APC: variants seen among roughly 807,000 people sequenced by gnomAD.
APC encodes adenomatous polyposis coli protein.
In APC, 72 loss-of-function variants were observed where a neutral mutation model predicts 247.0. The observed-to-expected ratio is 0.29, with a 90% CI of 0.24 to 0.35. The LOEUF is 0.35. Among genes scored for constraint, APC ranks in the 10% least tolerant of loss-of-function variants. The pLI, the probability that APC is intolerant of heterozygous loss-of-function variation, is 1.00. For synonymous variants in APC, 1,254 were observed against 1,162.5 expected (o/e 1.08, Z -1.60); for missense variants, 3,400 against 3,360.7 (o/e 1.01, Z -0.29).
intron 1 of APC, among the ~76,000 whole-genome samples, chr5:112,749,591 G>A (rs761785132): frequency 4.7e-5 from 7 of 147,658 alleles, no homozygotes; most frequent in Admixed American, 1.4e-4. Flanking sequence ...GTGTTCAAGC[G>A]ATTCACCTGC....
intron 1 of APC, among the ~76,000 whole-genome samples, chr5:112,727,314 A>T (rs147267881): frequency 0.011 from 1,667 of 152,278 alleles, 24 homozygotes; most frequent in Non-Finnish European, 0.013. Context: ...CCAAGGAAAG[A>T]CTTTCAAAAA....
intron 9 of APC, among the ~76,000 whole-genome samples, chr5:112,816,285 G>A (rs965270061): frequency 6.6e-6 from 1 of 152,138 alleles, no homozygotes; most frequent in Non-Finnish European, 1.5e-5. Flanking sequence ...CTAACAATTT[G>A]CATGAACCTG....
chr5:112,768,615 C>A (rs1404480689), intron 4 of APC, among the ~76,000 whole-genome samples: 2 of 150,688 alleles, frequency 1.3e-5, no homozygotes, highest in Admixed American at 6.6e-5. Context: ...GTTAGCATAT[C>A]TGTCATCTCA....
chr5:112,810,434 C>G (rs1402074395), intron 8 of APC: 1 of 187,904 alleles, frequency 5.3e-6, no homozygotes, highest in African/African-American at 2.4e-5. Context: ...TTATATGATA[C>G]AAAATGAGGC....
chr5:112,711,350 C>A (rs369752110), intron 1 of APC, among the ~76,000 whole-genome samples: 1 of 152,190 alleles, frequency 6.6e-6, no homozygotes, highest in Non-Finnish European at 1.5e-5. Context: ...ACTCCTGTCC[C>A]ATGGAAAAAT....
rs775126020 is a variant in APC, at chr5:112,819,026, C to G, written c.994C>G (p.Arg332Gly). 1.2e-6 allele frequency: 2 copies of G among 1,614,068 alleles called. No individual in the cohort carries two copies. Among genetic ancestry groups the G allele is most frequent in the Non-Finnish European group, 1.7e-6 (2 of 1,179,980 alleles). Reference protein sequence around the residue: ...LGTHDKDDMSRTLLAMSSSQD... With the variant: ...LGTHDKDDMSGTLLAMSSSQD... ...TACTCATGATAAGGATGATATGTCG[C>G]GAACTTTGCTAGCTATGTCTAGCTC... The change falls in exon 10 of 16, where the codon CGA becomes GGA. Residue 332 changes from arginine (R) to glycine (G), a missense_variant. Transcript: ENST00000257430.
intron 11 of APC, among the ~76,000 whole-genome samples, chr5:112,825,528 T>C (rs1763559038): frequency 6.6e-6 from 1 of 152,178 alleles, no homozygotes; most frequent in Admixed American, 6.6e-5. Context: ...AGAACGCATC[T>C]TTCTTCTTCC....
chr5:112,720,728 AC>A (rs1169778898), intron 1 of APC, among the ~76,000 whole-genome samples: 1 of 152,224 alleles, frequency 6.6e-6, no homozygotes, highest in Non-Finnish European at 1.5e-5. Context: ...TTTCCAGGAG[AC>A]ATAGTAGCCC....
intron 14 of APC, among the ~76,000 whole-genome samples, chr5:112,830,756 C>T (rs1764207176): frequency 1.3e-5 from 2 of 152,048 alleles, no homozygotes; most frequent in South Asian, 4.1e-4. Flanking sequence ...TGACAGAAAA[C>T]AGATTAGTGG....
chr5:112,803,077 C>G (rs1424829972), intron 8 of APC, among the ~76,000 whole-genome samples: 1 of 152,014 alleles, frequency 6.6e-6, no homozygotes, highest in Non-Finnish European at 1.5e-5. Flanking sequence ...CAAATTAAAA[C>G]TAAAGTCAGA....
intron 3 of APC, among the ~76,000 whole-genome samples, chr5:112,766,928 T>G (rs147496386): frequency 6.6e-6 from 1 of 152,286 alleles, no homozygotes; most frequent in Non-Finnish European, 1.5e-5. Flanking sequence ...GACAGAGAAA[T>G]TACTTTTGGA....
Position 112,707,706 on chromosome 5 carries a change from T to C in APC, c.-12T>C, listed in dbSNP as rs1057517554. On this transcript the variant is annotated 5_prime_UTR_variant, in exon 1 of 14. Transcript: ENST00000507379. ...AAGCACTCAGTTGCCTTCTCGGGCC[T>C]CGGCGCCCCCTATGTACGCCTCCCT... The C allele has an allele frequency of 1.5e-6, 2 of 1,370,580 alleles. No homozygotes were observed. Among genetic ancestry groups the C allele is most frequent in the Non-Finnish European group, 9.6e-7 (1 of 1,038,774 alleles). 84.9% of individuals were successfully genotyped at this position (1,370,580 alleles called of 1,614,324 possible).
Position 112,723,675 on chromosome 5 carries a change from C to A in APC, c.165+15793C>A, listed in dbSNP as rs555499385. Among the ~76,000 whole-genome samples the A allele has an allele frequency of 5.7e-4, 87 of 152,240 alleles. 1 individual carries two copies. In the South Asian group the frequency reaches 0.013, roughly 23 times the overall value. On this transcript the variant is annotated intron_variant, in intron 1 of 13. Coordinates refer to the APC transcript ENST00000507379. ...ATGTCCCAGCCCTGCCCACAAAAAA[C>A]CATTTAATTTATATGCTGTATTAAC...
chr5:112,756,876 T>G (rs1163884294), intron 2 of APC, among the ~76,000 whole-genome samples: 1 of 152,182 alleles, frequency 6.6e-6, no homozygotes, highest in Non-Finnish European at 1.5e-5. Context: ...GGATTTTATA[T>G]TTTTTCAGAT....
chr5:112,825,259 C>T (rs953352842), intron 11 of APC, among the ~76,000 whole-genome samples: 4 of 152,198 alleles, frequency 2.6e-5, no homozygotes, highest in African/African-American at 9.6e-5. Context: ...AAGCCACCAT[C>T]GTCTCTCCTG....
Position 112,794,749 on chromosome 5 carries a change from T to C in APC, c.729+2220T>C, listed in dbSNP as rs76128889. Among the ~76,000 whole-genome samples, 162 of 152,292 alleles carry C rather than the reference T, an allele frequency of 1.1e-3. 1 individual carries two copies. The highest frequency in any genetic ancestry group is 3.8e-3 in the African/African-American group (158 of 41,544). On this transcript the variant is annotated intron_variant, in intron 7 of 15. Transcript: ENST00000257430. ...ATGCCAGCCACAAATGTTGAGTATC[T>C]CCAAGCCACTCACATTTCTGCCCAG... is the stretch of plus-strand genomic sequence containing the variant.
intron 1 of APC, among the ~76,000 whole-genome samples, chr5:112,732,481 T>C (rs1752147036): frequency 6.6e-6 from 1 of 152,252 alleles, no homozygotes; most frequent in Non-Finnish European, 1.5e-5. Flanking sequence ...ACTTAGAATA[T>C]TCCGTTTCCT....
rs770976457 is a variant in APC, at chr5:112,838,560, A to G, written c.2966A>G (p.Asp989Gly). Residue 989 changes from aspartate (D) to glycine (G), a missense_variant, in exon 16 of 16, where the codon GAT (aspartate) becomes GGT (glycine). By Grantham distance (94) the Asp-to-Gly change is moderately conservative. Coordinates refer to ENST00000257430, the MANE Select transcript of APC (RefSeq NM_000038.6). ...CCCTCGATTGAATCCTATTCTGAAG[A>G]TGATGAAAGTAAGTTTTGCAGTTAT... ...MKPSIESYSE[D>G]DESKFCSYGQ... 6.2e-6 allele frequency: 10 copies of G among 1,614,126 alleles called. No homozygotes were observed. The African/African-American group carries it at 6.7e-5, about 11-fold the overall frequency.
intron 5 of APC, chr5:112,777,891 T>C: frequency 4.8e-6 from 1 of 209,456 alleles, no homozygotes; most frequent in Admixed American, 4.8e-5. Context: ...TTTACTGTCA[T>C]CAGATTCACT....
Sources: allele counts gnomAD v4.1 joint callset (sites outside exome capture counted in the v4.1 genomes callset), GRCh38; gene constraint gnomAD v4.1.1; transcripts MANE v1.5; gene names NCBI Gene and HGNC (gene_info 2026-07-23, HGNC 2026-07-21).